The following PHF3 variants were observed in gnomAD, a reference collection of about 807,000 sequenced individuals.
PHF3 encodes PHD finger protein 3.
In PHF3, 41 loss-of-function variants were observed where a neutral mutation model predicts 178.4. The ratio of observed to expected loss-of-function variants is 0.23; its 90% CI spans 0.18 to 0.30. The LOEUF is 0.30. PHF3 is among the 10% of genes least tolerant of loss of function. The pLI, the probability that PHF3 is intolerant of heterozygous loss-of-function variation, is 1.00. For missense variants in PHF3, 2,346 were observed against 2,398.1 expected (o/e 0.98, Z 0.45); for synonymous variants, 842 against 800.5 (o/e 1.05, Z -0.88).
At position 63,714,889 on chromosome 6, in the gene PHF3, A is replaced by T. The variant is rs1178753893; in HGVS notation, c.*1181A>T. The T allele has an allele frequency of 1.3e-5, 2 of 152,062 alleles. No individual in the cohort carries two copies. Among genetic ancestry groups the T allele is most frequent in the Non-Finnish European group, 2.9e-5 (2 of 68,000 alleles). 9.4% of individuals were successfully genotyped at this position (152,062 alleles called of 1,614,324 possible). ...TGCCAGTTTTACTTGAAAAAAAAATATGAAAACTATTGTTAATTCAAATCT... is the reference window on the plus strand; with the variant it reads ...TGCCAGTTTTACTTGAAAAAAAAATTTGAAAACTATTGTTAATTCAAATCT... On this transcript the variant is annotated 3_prime_UTR_variant, in exon 16 of 16. Coordinates refer to ENST00000262043, the MANE Select transcript of PHF3 (RefSeq NM_001370348.2).
In PHF3 at chr6:63,678,066, T is replaced by C. The variant is rs1298190309; in HGVS notation, c.245-1934T>C. ...GGCTAAACCCCGTCTCTACTAAAAATACAAAAATTAGCTGGGCATGATGGC... is the reference window on the plus strand; with the variant it reads ...GGCTAAACCCCGTCTCTACTAAAAACACAAAAATTAGCTGGGCATGATGGC... On this transcript the variant is annotated intron_variant, in intron 2 of 15. Coordinates refer to ENST00000262043, the MANE Select transcript of PHF3 (RefSeq NM_001370348.2). Among the ~76,000 whole-genome samples the C allele has an allele frequency of 2.6e-5, 4 of 151,670 alleles. 1 individual carries two copies. The highest frequency in any genetic ancestry group is 6.3e-3 in the Middle Eastern group (2 of 316).
intron 2 of PHF3, among the ~76,000 whole-genome samples, chr6:63,657,489 TTACAA>T (rs1765286681): frequency 1.3e-5 from 2 of 152,182 alleles, no homozygotes; most frequent in African/African-American, 4.8e-5. Context: ...TACTGTATTC[TTACAA>T]TAAAGTACAC....
chr6:63,668,788 T>C (rs941670856), intron 2 of PHF3, among the ~76,000 whole-genome samples: 1 of 152,202 alleles, frequency 6.6e-6, no homozygotes, highest in Non-Finnish European at 1.5e-5. Flanking sequence ...GTGTGTTCCA[T>C]TGCATAGTTT....
chr6:63,674,143 CT>C lies in PHF3; in HGVS notation c.245-5851del, dbSNP rs199601357. On this transcript the variant is annotated intron_variant, in intron 2 of 15. Transcript: ENST00000262043. ...TGTATAAATCCACACAGTATTCAAG[CT>C]TTTTTAGTAACCATGTTTCTTTTAA... Among the ~76,000 whole-genome samples, 150 of 151,634 alleles carry C rather than the reference CT, an allele frequency of 9.9e-4. 1 individual carries two copies. In the East Asian group the frequency reaches 0.02, roughly 20 times the overall value.
intron 4 of PHF3, chr6:63,686,215 C>T (rs904801740): frequency 6.6e-6 from 2 of 305,220 alleles, no homozygotes; most frequent in African/African-American, 4.3e-5. Flanking sequence ...AAAAGCCAAA[C>T]ACTTCCTGGT....
In PHF3 at chr6:63,685,514, G is replaced by A; in HGVS notation, c.1792G>A (p.Asp598Asn). ...IFKPLTHSLS[D>N]KSHAHPGCLK... ...CAAGCCCTTAACTCATTCTTTGAGT[G>A]ATAAGTCACACGCTCATCCTGGTTG... Residue 598 changes from aspartate (D) to asparagine (N), a missense_variant, in exon 4 of 16, where the codon GAT (aspartate) becomes AAT (asparagine). Around this residue, in one of 8 missense-constraint regions of PHF3, gnomAD observed 843 missense variants for 795.2 expected, o/e 1.06. Transcript: ENST00000262043. 6.2e-7 allele frequency: 1 copy of A among 1,614,050 alleles called. No homozygotes were observed. The highest frequency in any genetic ancestry group is 8.5e-7 in the Non-Finnish European group (1 of 1,179,986).
chr6:63,687,459 G>T (rs1766763478), intron 4 of PHF3, among the ~76,000 whole-genome samples: 1 of 152,112 alleles, frequency 6.6e-6, no homozygotes, highest in South Asian at 2.1e-4. Context: ...TTCTGAAGTG[G>T]GCCTGCTGTT....
intron 8 of PHF3, among the ~76,000 whole-genome samples, chr6:63,698,808 T>G (rs560276783): frequency 1.3e-5 from 2 of 152,286 alleles, no homozygotes; most frequent in South Asian, 4.1e-4. Flanking sequence ...TCTACTGAAA[T>G]GCTAAACGTG....
intron 2 of PHF3, among the ~76,000 whole-genome samples, chr6:63,647,133 C>G (rs1357290623): frequency 1.3e-5 from 2 of 151,924 alleles, no homozygotes; most frequent in East Asian, 1.9e-4. Context: ...AATTGGGACT[C>G]TTTAGTAAAT....
chr6:63,700,436 A>G lies in PHF3; in HGVS notation c.3069A>G (p.Leu1023=). The G allele has an allele frequency of 6.3e-7, 1 of 1,592,186 alleles. No homozygotes were observed. Among genetic ancestry groups the G allele is most frequent in the Admixed American group, 1.7e-5 (1 of 59,692 alleles). Residue 1023 remains leucine, a synonymous_variant, in exon 9 of 16, where the codon TTA becomes TTG. Transcript: ENST00000262043. ...MSPEELASKE[L]AAWRRRENRH... Reference sequence around the variant, plus strand: ...CAGAAGAACTAGCTTCTAAAGAGTTAGCTGCTTGGAGACGAAGAGAAAACA... The same window carrying G: ...CAGAAGAACTAGCTTCTAAAGAGTTGGCTGCTTGGAGACGAAGAGAAAACA...
intron 2 of PHF3, among the ~76,000 whole-genome samples, chr6:63,647,828 G>A (rs145422997): frequency 3.2e-4 from 48 of 152,238 alleles, no homozygotes; most frequent in Middle Eastern, 6.8e-3. Context: ...GGTAAAATCA[G>A]CCTCCCATGG....
intron 10 of PHF3, 109 bp downstream of exon 10, chr6:63,702,748 T>C: frequency 9.3e-7 from 1 of 1,072,080 alleles, no homozygotes; most frequent in Non-Finnish European, 1.3e-6. Context: ...TATGCATCCA[T>C]TTAAAAGTAG....
chr6:63,674,933 T>G (rs1374264999), intron 2 of PHF3, among the ~76,000 whole-genome samples: 10 of 152,208 alleles, frequency 6.6e-5, no homozygotes, highest in Non-Finnish European at 1.5e-4. Flanking sequence ...TTAAAGTGAT[T>G]TAAACAAATC....
chr6:63,643,550 A>G (rs879416656), intron 1 of PHF3, among the ~76,000 whole-genome samples: 7 of 152,196 alleles, frequency 4.6e-5, no homozygotes, highest in Non-Finnish European at 4.4e-5. Flanking sequence ...CTTTATTACT[A>G]TGTTCTTAGA....
At chr6:63,646,324 G>A (rs1220244092) in intron 1 of PHF3, among the ~76,000 whole-genome samples, 1 of 151,922 alleles carries the variant, frequency 6.6e-6, no homozygotes, top group Non-Finnish European at 1.5e-5. Flanking sequence ...CTACATGCAT[G>A]ATGAAGAAAC....
rs533776166 is a variant in PHF3, at chr6:63,725,951, T to A, written c.*12243T>A. Among the ~76,000 whole-genome samples the A allele has an allele frequency of 1.3e-5, 2 of 152,210 alleles. No homozygotes were observed. Among genetic ancestry groups the A allele is most frequent in the Non-Finnish European group, 1.5e-5 (1 of 67,962 alleles). On this transcript the variant is annotated 3_prime_UTR_variant, in exon 16 of 16. Transcript: ENST00000262043. ...TGTCTTTGTCAGAATTTTGGAGAAA[T>A]GAATGAAAATGGATATCAAGGGTAA...
chr6:63,646,864 T>A, intron 2 of PHF3, 69 bp downstream of exon 2: 1 of 1,079,060 alleles, frequency 9.3e-7, no homozygotes, highest in Non-Finnish European at 1.2e-6. Flanking sequence ...TTTCAGCAGC[T>A]TTTTCTTTTT....
At chr6:63,675,902 C>G (rs79961380) in intron 2 of PHF3, among the ~76,000 whole-genome samples, 1 of 152,162 alleles carries the variant, frequency 6.6e-6, no homozygotes, top group African/African-American at 2.4e-5. Flanking sequence ...AACTCCTTCT[C>G]ATCTGATTCT....
intron 1 of PHF3, among the ~76,000 whole-genome samples, chr6:63,640,064 A>G (rs933126198): frequency 6.6e-6 from 1 of 152,186 alleles, no homozygotes; most frequent in East Asian, 1.9e-4. Flanking sequence ...ACACTTTGAT[A>G]TCTTCTTTTT....
Sources: allele counts gnomAD v4.1 joint callset (sites outside exome capture counted in the v4.1 genomes callset), GRCh38; gene constraint gnomAD v4.1.1; regional missense constraint gnomAD v4.1.1; transcripts MANE v1.5; gene names NCBI Gene and HGNC (gene_info 2026-07-23, HGNC 2026-07-21).